BPI: variants seen among roughly 807,000 people sequenced by gnomAD.
BPI encodes bactericidal permeability-increasing protein.
Under a neutral mutation model 57.6 loss-of-function variants are expected in BPI, and 48 were observed. The observed-to-expected ratio is 0.83, with a 90% confidence interval of 0.66 to 1.06. The LOEUF (loss-of-function observed/expected upper bound fraction) is 1.06. BPI is among the 50% of genes least tolerant of loss of function. The pLI is 0.00. For missense variants in BPI, 651 were observed against 609.7 expected, an observed-to-expected ratio of 1.07 and a Z score of -0.71; for synonymous variants, 237 against 238.2, an observed-to-expected ratio of 0.99 and a Z score of 0.05.
chr20:38,313,878 T>A (rs543393927), intron 5 of BPI, among the ~76,000 whole-genome samples: 16 of 148,266 alleles, frequency 1.1e-4, no homozygotes, highest in African/African-American at 3.8e-4. Context: ...GTAATGGTAA[T>A]GATGGGATGA....
Position 38,323,958 on chromosome 20 carries a change from AC to A in BPI, c.847del (p.Leu283TrpfsTer21), listed in dbSNP as rs768965520. On this transcript the variant is annotated frameshift_variant, in exon 8 of 15. Transcript: ENST00000642449. LOFTEE classifies it high-confidence loss of function. ...CCCGCTGCCCATGACCGCATGGTAT[AC>A]CTGGGCCTCTCAGACTACTTCTTCA... ...EFPAAHDRMV[Y>X]LGLSDYFFNT... The A allele has an allele frequency of 1.7e-5, 28 of 1,614,120 alleles. No individual in the cohort carries two copies. In the East Asian group the frequency reaches 5.6e-4, roughly 32 times the overall value.
At chr20:38,322,232 A>G (rs890323114) in intron 7 of BPI, among the ~76,000 whole-genome samples, 5 of 152,188 alleles carry the variant, frequency 3.3e-5, no homozygotes, top group African/African-American at 1.2e-4. Flanking sequence ...TCATCCTTGC[A>G]ATCGTGTCTC....
chr20:38,311,873 G>T lies in BPI; in HGVS notation c.537-1G>T. ...CTATGTCCCTACTTGTTCATCTCTA[G>T]GTGGCTGATCCAACTCTTCCACAAA... On this transcript the variant is annotated splice_acceptor_variant, in intron 4 of 14. Coordinates refer to ENST00000642449, the MANE Select transcript of BPI (RefSeq NM_001725.3). LOFTEE classifies it high-confidence loss of function. 6.2e-7 allele frequency: 1 copy of T among 1,613,966 alleles called. No individual in the cohort carries two copies. Among genetic ancestry groups the T allele is most frequent in the Non-Finnish European group, 8.5e-7 (1 of 1,179,936 alleles).
intron 10 of BPI, among the ~76,000 whole-genome samples, chr20:38,327,346 G>A (rs1239770470): frequency 3.3e-5 from 5 of 152,210 alleles, no homozygotes; most frequent in East Asian, 3.8e-4. Flanking sequence ...CAGCCTCTCC[G>A]AGAGTGGCCC....
chr20:38,324,857 T>TA, intron 9 of BPI, 24 bp downstream of exon 9: 4 of 1,587,556 alleles, frequency 2.5e-6, no homozygotes, highest in Non-Finnish European at 3.5e-6. Flanking sequence ...TGCTTTCCTT[T>TA]AGTGAGCCCC....
Position 38,323,868 on chromosome 20 carries a change from AG to A in BPI, c.760del, listed in dbSNP as rs749325798. 1 of 1,613,656 alleles carries A rather than the reference AG, an allele frequency of 6.2e-7. No homozygotes were observed. Among genetic ancestry groups the A allele is most frequent in the Non-Finnish European group, 8.5e-7 (1 of 1,179,802 alleles). ...GGCTCACTCTGTTGCCTCTACCCCC[AG>A]GGGGAGTTTTACAGTGAGAACCACC... On this transcript the variant is annotated splice_acceptor_variant, in intron 7 of 14. Coordinates refer to ENST00000642449, the MANE Select transcript of BPI (RefSeq NM_001725.3). LOFTEE classifies it high-confidence loss of function.
rs373712927 is a variant in BPI at position 38,304,165 on chromosome 20, C to T, written c.-59C>T. ...ATTTCCCCAGCCGACTCTTTTATAG[C>T]TCCCTGGTTCAACCTCAAGGCCTTG... On this transcript the variant is annotated 5_prime_UTR_variant, in exon 1 of 15. Transcript: ENST00000642449. 49 of 1,607,358 alleles carry T rather than the reference C, an allele frequency of 3.0e-5. No homozygotes were observed. In the African/African-American group the frequency reaches 4.4e-4, roughly 14 times the overall value.
At chr20:38,311,978 G>C (rs781271123) in intron 5 of BPI, 41 bp downstream of exon 5, 2 of 1,593,814 alleles carry the variant, frequency 1.3e-6, no homozygotes, top group African/African-American at 2.7e-5. Flanking sequence ...CAGAGGAGAA[G>C]GGCCCTTAGT....
chr20:38,320,219 A>G lies in BPI; in HGVS notation c.701A>G (p.Tyr234Cys). 6.2e-7 allele frequency: 1 copy of G among 1,614,032 alleles called. No individual in the cohort carries two copies. The highest frequency in any genetic ancestry group is 8.5e-7 in the Non-Finnish European group (1 of 1,179,974). The stretch of plus-strand genomic sequence containing the variant: ...ATAGATTCTGTGGCTGGAATCAACT[A>G]TGGTCTGGTGGCACCTCCAGCAACC... Reference protein sequence around the residue: ...TKIDSVAGINYGLVAPPATTA... With the variant: ...TKIDSVAGINCGLVAPPATTA... Residue 234 changes from tyrosine (Y) to cysteine (C), a missense_variant, in exon 7 of 15, where the codon TAT (tyrosine) becomes TGT (cysteine). By Grantham distance (194) the Tyr-to-Cys change is radical. Transcript: ENST00000642449.
At chr20:38,318,604 T>TA (rs1472161363) in intron 6 of BPI, 128 bp downstream of exon 6, 80 of 976,560 alleles carry the variant, frequency 8.2e-5, no homozygotes, top group Non-Finnish European at 4.7e-5. Context: ...ATGAGCAGAG[T>TA]AGTACATTAT....
At chr20:38,323,606 T>G (rs2076697370) in intron 7 of BPI, among the ~76,000 whole-genome samples, 1 of 152,242 alleles carries the variant, frequency 6.6e-6, no homozygotes, top group Non-Finnish European at 1.5e-5. Flanking sequence ...CTGTGTGACC[T>G]TGGGCAAGTC....
At chr20:38,328,298 A>G (rs968736952) in intron 11 of BPI, among the ~76,000 whole-genome samples, 2 of 151,554 alleles carry the variant, frequency 1.3e-5, no homozygotes, top group Non-Finnish European at 2.9e-5. Flanking sequence ...CACGCCTGTA[A>G]TCCCAGCACT....
chr20:38,314,089 GGAT>G lies in BPI; in HGVS notation c.600+2160_600+2162del, dbSNP rs531842719. Among the ~76,000 whole-genome samples the G allele has an allele frequency of 6.7e-5, 10 of 148,588 alleles. No homozygotes were observed. The East Asian group carries it at 1.9e-3, about 28-fold the overall frequency. ...GAGGTTGATGATGATGATGGTGATG[GGAT>G]GATGATGGTGGTGATGGTAATGGTG... On this transcript the variant is annotated intron_variant, in intron 5 of 14. Coordinates refer to ENST00000642449, the MANE Select transcript of BPI (RefSeq NM_001725.3).
In BPI at chr20:38,304,254, T is replaced by G; in HGVS notation, c.31T>G (p.Trp11Gly). The G allele has an allele frequency of 6.2e-7, 1 of 1,614,160 alleles. No individual in the cohort carries two copies. Among genetic ancestry groups the G allele is most frequent in the Non-Finnish European group, 8.5e-7 (1 of 1,180,024 alleles). Residue 11 changes from tryptophan (W) to glycine (G), a missense_variant, in exon 1 of 15, where the codon TGG becomes GGG. Trp to Gly is a radical substitution (Grantham distance 184). Transcript: ENST00000642449. MARGPCNAPRWASLMVLVAIG... is the reference protein window; with the variant it reads MARGPCNAPRGASLMVLVAIG... ...CAGGGGCCCTTGCAACGCGCCGAGA[T>G]GGGCGTCCCTGATGGTGCTGGTCGC...
At chr20:38,335,359 C>A (rs2076762294) in intron 13 of BPI, 1 of 572,898 alleles carries the variant, frequency 1.7e-6, no homozygotes, top group Non-Finnish European at 3.1e-6. Flanking sequence ...CTCAGGAGGG[C>A]CATCATGGGG....
intron 12 of BPI, among the ~76,000 whole-genome samples, chr20:38,333,999 A>C (rs1478148063): frequency 2.0e-5 from 3 of 151,328 alleles, no homozygotes; most frequent in Non-Finnish European, 4.4e-5. Flanking sequence ...ATGAACCACC[A>C]AGCCCAACCA....
Position 38,304,353 on chromosome 20 carries a change from G to C in BPI, c.130G>C (p.Ala44Pro). The C allele has an allele frequency of 6.2e-7, 1 of 1,612,980 alleles. No homozygotes were observed. Among genetic ancestry groups the C allele is most frequent in the Non-Finnish European group, 8.5e-7 (1 of 1,179,970 alleles). ...GATCTCCCAGAAGGGCCTGGACTAC[G>C]GTAACTGGATGCCTCCCTTCCCTCC... ...VRISQKGLDY[A>P]SQQGTAALQK... The change falls in exon 1 of 15, where the codon GCC (alanine) becomes CCC (proline). Residue 44 changes from alanine (A) to proline (P), a missense_variant and splice_region_variant. Transcript: ENST00000642449.
chr20:38,315,835 C>CTTTTTTTTTTT (rs374398594), intron 5 of BPI, among the ~76,000 whole-genome samples: 1 of 132,252 alleles, frequency 7.6e-6, no homozygotes, highest in African/African-American at 2.8e-5. Flanking sequence ...CTTTTCTTTT[C>CTTTTTTTTTTT]TTTTTTTTTT....
chr20:38,326,320 C>A lies in BPI; in HGVS notation c.1049C>A (p.Pro350Gln). The A allele has an allele frequency of 1.2e-6, 2 of 1,614,130 alleles. No homozygotes were observed. Among genetic ancestry groups the A allele is most frequent in the Non-Finnish European group, 1.7e-6 (2 of 1,179,992 alleles). Residue 350 changes from proline (P) to glutamine (Q), a missense_variant, in exon 10 of 15, where the codon CCG (proline) becomes CAG (glutamine). Transcript: ENST00000642449. The part of the protein sequence containing the change: ...KIQIHVSAST[P>Q]PHLSVQPTGL... ...CAGATCCATGTCTCAGCCTCCACCCCGCCACACCTGTCTGTGCAGCCCACC... is the reference window on the plus strand; with the variant it reads ...CAGATCCATGTCTCAGCCTCCACCCAGCCACACCTGTCTGTGCAGCCCACC...
Sources: gnomAD v4.1 joint callset for allele counts (sites outside exome capture counted in the v4.1 genomes callset) on GRCh38, gnomAD v4.1.1 for gene constraint, MANE v1.5 for transcripts, NCBI Gene and HGNC (gene_info 2026-07-23, HGNC 2026-07-21) for gene names.